The following SLC9D1 variants were observed in gnomAD, a reference collection of about 807,000 sequenced individuals.
SLC9D1 encodes the protein putative LAG1-interacting protein.
the SLC9D1 span, among the ~76,000 whole-genome samples, chr13:113,509,730 T>C: frequency 6.6e-6 from 1 of 152,222 alleles, no homozygotes; most frequent in African/African-American, 2.4e-5. Context: ...TTTATGTTTA[T>C]ATGTCGGTAG....
chr13:113,548,206 C>A, the SLC9D1 span: 1 of 1,397,160 alleles, frequency 7.2e-7, no homozygotes, highest in Non-Finnish European at 9.9e-7. Context: ...GGGACCATCG[C>A]AGCGTGCCTG....
chr13:113,540,764 C>G, the SLC9D1 span, among the ~76,000 whole-genome samples: 1 of 152,210 alleles, frequency 6.6e-6, no homozygotes, highest in Admixed American at 6.5e-5. Flanking sequence ...GTTACCGTTG[C>G]GATTGCGTTT....
the SLC9D1 span, among the ~76,000 whole-genome samples, chr13:113,546,574 G>A: frequency 6.6e-6 from 1 of 152,142 alleles, no homozygotes; most frequent in Non-Finnish European, 1.5e-5. This position sits in a 1 kb window ranked among gnomAD's most constrained non-coding sequence, Gnocchi z 7.1. Flanking sequence ...GTTTGTGAAC[G>A]GCAGAAAGGT....
chr13:113,509,360 G>GATGGCA, the SLC9D1 span, among the ~76,000 whole-genome samples: 1 of 148,190 alleles, frequency 6.7e-6, no homozygotes, highest in Admixed American at 6.7e-5. Context: ...GCCTATGTTG[G>GATGGCA]GGCTGGTGGG....
the SLC9D1 span, among the ~76,000 whole-genome samples, chr13:113,521,478 T>C: frequency 6.6e-6 from 1 of 151,870 alleles, no homozygotes; most frequent in Non-Finnish European, 1.5e-5. Context: ...CACGTGTGCA[T>C]ATGTGGGGTA....
At chr13:113,536,575 TCCGTGTTGCC>T in the SLC9D1 span, 2 of 985,294 alleles carry the variant, frequency 2.0e-6, no homozygotes, top group Non-Finnish European at 2.4e-6. Flanking sequence ...CTGGACAACT[TCCGTGTTGCC>T]CTCCCAGTGG....
the SLC9D1 span, chr13:113,527,269 GTTC>G: frequency 1.3e-5 from 2 of 152,206 alleles, no homozygotes; most frequent in Admixed American, 6.5e-5. Flanking sequence ...CCATTCTGGT[GTTC>G]TTCTTTCCCT....
the SLC9D1 span, among the ~76,000 whole-genome samples, chr13:113,514,837 A>T: frequency 6.6e-6 from 1 of 152,182 alleles, no homozygotes; most frequent in African/African-American, 2.4e-5. Context: ...CCATCTCAGC[A>T]TCCTGAGTAG....
At chr13:113,546,220 G>T in the SLC9D1 span, among the ~76,000 whole-genome samples, 4 of 152,174 alleles carry the variant, frequency 2.6e-5, no homozygotes, top group African/African-American at 9.7e-5. The surrounding 1 kb of genome is among the most constrained non-coding windows in gnomAD (Gnocchi z 7.1). Flanking sequence ...GGGCATTGCA[G>T]CAGGGCAGAG....
the SLC9D1 span, chr13:113,534,105 G>A: frequency 6.8e-5 from 110 of 1,612,438 alleles, 1 homozygote; most frequent in South Asian, 1.1e-3. Context: ...TTTCACTAGC[G>A]GCGGTTTTTC....
the SLC9D1 span, chr13:113,499,850 A>C: frequency 3.5e-6 from 2 of 578,740 alleles, no homozygotes; most frequent in African/African-American, 3.9e-5. Context: ...ATTCACTGCT[A>C]ATGAACACTG....
chr13:113,522,617 G>A, the SLC9D1 span, among the ~76,000 whole-genome samples: 1,189 of 152,220 alleles, frequency 7.8e-3, 17 homozygotes, highest in African/African-American at 0.023. Flanking sequence ...TGGGATTATA[G>A]GCGTGAGCAA....
At chr13:113,544,700 C>T in the SLC9D1 span, among the ~76,000 whole-genome samples, 1 of 152,242 alleles carries the variant, frequency 6.6e-6, no homozygotes, top group Non-Finnish European at 1.5e-5. Context: ...CAGATGGTGC[C>T]TCCTGGCTGT....
chr13:113,494,386 G>A, the SLC9D1 span, among the ~76,000 whole-genome samples: 2 of 152,044 alleles, frequency 1.3e-5, no homozygotes, highest in East Asian at 3.9e-4. Context: ...GACCTTTGCT[G>A]GCCGCTGTCT....
At chr13:113,510,280 T>C in the SLC9D1 span, 1 of 1,614,234 alleles carries the variant, frequency 6.2e-7, no homozygotes, top group Non-Finnish European at 8.5e-7. Flanking sequence ...CATGACACTG[T>C]TAATGATTGC....
chr13:113,515,993 G>A, the SLC9D1 span, among the ~76,000 whole-genome samples: 18 of 151,356 alleles, frequency 1.2e-4, no homozygotes, highest in Non-Finnish European at 2.1e-4. Flanking sequence ...ATTTTTGTGT[G>A]TGGAATCTTT....
chr13:113,509,540 C>G, the SLC9D1 span, among the ~76,000 whole-genome samples: 1 of 152,164 alleles, frequency 6.6e-6, no homozygotes, highest in Non-Finnish European at 1.5e-5. Flanking sequence ...GCCACACAGC[C>G]CCTGCACCCC....
the SLC9D1 span, chr13:113,498,437 T>G: frequency 6.3e-7 from 1 of 1,588,614 alleles, no homozygotes; most frequent in East Asian, 2.3e-5. Context: ...TATCCATGCT[T>G]GACGAGATTC....
the SLC9D1 span, among the ~76,000 whole-genome samples, chr13:113,510,080 G>C: frequency 6.6e-6 from 1 of 152,230 alleles, no homozygotes; most frequent in Non-Finnish European, 1.5e-5. Flanking sequence ...AGGAAGCCCT[G>C]TGTGAGGATT....
Sources: allele counts gnomAD v4.1 joint callset (sites outside exome capture counted in the v4.1 genomes callset), GRCh38; gene constraint gnomAD v4.1.1; non-coding constraint Gnocchi (gnomAD v3.1); transcripts MANE v1.5; gene names NCBI Gene and HGNC (gene_info 2026-07-23, HGNC 2026-07-21).